The following NRL variants were observed in gnomAD, a reference collection of about 807,000 sequenced individuals.
NRL encodes the protein neural retina-specific leucine zipper protein.
Under a neutral mutation model 12.5 loss-of-function variants are expected in NRL, and 16 were observed. That is an observed-to-expected ratio of 1.28 (90% CI 0.87 to 1.95). The LOEUF (loss-of-function observed/expected upper bound fraction) is 1.95. NRL is among the 30% of genes most tolerant of loss of function. The probability of loss-of-function intolerance (pLI) is 0.00; values close to 1 mark genes in which losing one functional copy is unlikely to be tolerated. For synonymous variants in NRL, 142 were observed against 150.9 expected (o/e 0.94, Z 0.43); for missense variants, 314 against 325.8 (o/e 0.96, Z 0.28).
At chr14:24,103,469 G>A (rs768563829) in intron 1 of NRL, 1 of 1,498,954 alleles carries the variant, frequency 6.7e-7, no homozygotes, top group South Asian at 1.3e-5. Flanking sequence ...CCCTACCCCA[G>A]TGAGAAGGAA....
intron 1 of NRL, among the ~76,000 whole-genome samples, chr14:24,096,501 CTGGGA>C (rs2036891907): frequency 6.6e-6 from 1 of 152,126 alleles, no homozygotes. Flanking sequence ...TCCCAAAGTG[CTGGGA>C]TTACAGGCAT....
chr14:24,088,115 C>T (rs2036510407), intron 1 of NRL, among the ~76,000 whole-genome samples: 1 of 152,226 alleles, frequency 6.6e-6, no homozygotes, highest in South Asian at 2.1e-4. Flanking sequence ...AGGCTCCACT[C>T]TGGCCTCCTC....
Position 24,094,223 on chromosome 14 carries a change from G to C in NRL, c.-27-11348C>G, listed in dbSNP as rs1395681487. On this transcript the variant is annotated intron_variant, in intron 1 of 2. Transcript: ENST00000561028. This position sits in a 1 kb window ranked among gnomAD's most constrained non-coding sequence, Gnocchi z 4.1. ...GGCCGAGGGAGCTGGCCTGCCAGCG[G>C]GGCGGAGGAAAGCTAGTGCCAGCCC... 1.7e-6 allele frequency: 1 copy of C among 596,920 alleles called. No homozygotes were observed. The highest frequency in any genetic ancestry group is 2.9e-6 in the Non-Finnish European group (1 of 349,568). The allele number at this position is 596,920 out of a possible 1,614,324, so 37.0% of individuals were successfully genotyped here.
intron 1 of NRL, chr14:24,104,156 C>T (rs1046734141): frequency 1.7e-6 from 1 of 589,672 alleles, no homozygotes; most frequent in Non-Finnish European, 3.0e-6. Context: ...CATTTCCCAC[C>T]TATCTTCACA....
At chr14:24,091,721 A>G (rs1055162945) in intron 1 of NRL, among the ~76,000 whole-genome samples, 8 of 151,664 alleles carry the variant, frequency 5.3e-5, no homozygotes, top group Non-Finnish European at 5.9e-5. Context: ...TTTTTTTTTC[A>G]ATATACACAA....
Position 24,094,315 on chromosome 14 carries a change from C to A in NRL, c.-27-11440G>T. 2 of 1,319,596 alleles carry A rather than the reference C, an allele frequency of 1.5e-6. No individual in the cohort carries two copies. Among genetic ancestry groups the A allele is most frequent in the Admixed American group, 2.0e-5 (1 of 49,510 alleles). The allele number at this position is 1,319,596 out of a possible 1,614,324, so 81.7% of individuals were successfully genotyped here. ...CGCCTCCCGCCAGCCTCTGCTGTGG[C>A]TCGCTTCGCCGCGCTCCCTCCTTCC... On this transcript the variant is annotated intron_variant, in intron 1 of 2. Transcript: ENST00000561028. The surrounding 1 kb of genome is among the most constrained non-coding windows in gnomAD (Gnocchi z 4.1).
chr14:24,103,336 T>C (rs2138977550), intron 1 of NRL: 1 of 1,264,420 alleles, frequency 7.9e-7, no homozygotes, highest in Non-Finnish European at 1.1e-6. Context: ...GACCTTCCTT[T>C]TGTCCACCCC....
intron 1 of NRL, among the ~76,000 whole-genome samples, chr14:24,105,318 T>C (rs1165334130): frequency 2.0e-5 from 3 of 152,208 alleles, no homozygotes; most frequent in Non-Finnish European, 2.9e-5. Context: ...CCTTCCAGTG[T>C]GGGTGTCATG....
Position 24,094,829 on chromosome 14 carries a change from G to A in NRL, c.-27-11954C>T, listed in dbSNP as rs779680565. ...CCCCAGGGTACTTCGAGAGGCAGCA[G>A]GGCCCTGGGGACAAGGGTACGTGAG... On this transcript the variant is annotated intron_variant, in intron 1 of 2. Coordinates refer to ENST00000561028, the MANE Select transcript of NRL (RefSeq NM_001354768.3). This position sits in a 1 kb window ranked among gnomAD's most constrained non-coding sequence, Gnocchi z 4.1. The A allele has an allele frequency of 1.2e-5, 16 of 1,323,976 alleles. No homozygotes were observed. The South Asian group carries it at 2.0e-4, about 16-fold the overall frequency. 82.0% of individuals were successfully genotyped at this position (1,323,976 alleles called of 1,614,324 possible). A position where few individuals can be genotyped will look rare whatever the true frequency, so the allele number is the denominator to read the frequency against.
At position 24,081,877 on chromosome 14, in the gene NRL, C is replaced by T. The variant is rs1452496948; in HGVS notation, c.382-309G>A. On this transcript the variant is annotated intron_variant, in intron 2 of 2. Transcript: ENST00000561028. This position sits in a 1 kb window ranked among gnomAD's most constrained non-coding sequence, Gnocchi z 4.4. ...TCTCTGGGATCCCCGGCATCCAGCT[C>T]CAGGCCCGGGTGTGTCCAGTGGACC... 1.5e-6 allele frequency: 2 copies of T among 1,348,854 alleles called. No homozygotes were observed. The highest frequency in any genetic ancestry group is 1.9e-6 in the Non-Finnish European group (2 of 1,045,790). 83.6% of individuals were successfully genotyped at this position (1,348,854 alleles called of 1,614,324 possible).
Position 24,081,182 on chromosome 14 carries a change from T to A in NRL, c.*54A>T. ...TGCAGAGAACCGTGCAGCCGCCTCC[T>A]GGGCGGAGCCACCCCACCCAGCCCC... On this transcript the variant is annotated 3_prime_UTR_variant, in exon 3 of 3. Transcript: ENST00000561028. The surrounding 1 kb of genome is among the most constrained non-coding windows in gnomAD (Gnocchi z 4.4). 1 of 1,280,336 alleles carries A rather than the reference T, an allele frequency of 7.8e-7. No homozygotes were observed. Among genetic ancestry groups the A allele is most frequent in the Non-Finnish European group, 1.0e-6 (1 of 981,050 alleles). The allele number at this position is 1,280,336 out of a possible 1,614,324, so 79.3% of individuals were successfully genotyped here.
At chr14:24,095,872 C>T (rs1375041948) in intron 1 of NRL, among the ~76,000 whole-genome samples, 2 of 152,152 alleles carry the variant, frequency 1.3e-5, no homozygotes, top group Non-Finnish European at 2.9e-5. Context: ...GTCAACCTTC[C>T]GCAGAGTTCA....
rs971520267 is a variant in NRL at position 24,079,577 on chromosome 14, A to G, written c.*1659T>C. ...CAGGCTCCTAAGCGGAGGAGGGATG[A>G]GCTGGGATAGAGGAGGGGAAAGAGG... On this transcript the variant is annotated 3_prime_UTR_variant, in exon 3 of 3. Transcript: ENST00000561028. 1.3e-5 allele frequency among the ~76,000 whole-genome samples: 2 copies of G among 150,008 alleles called. No homozygotes were observed. The highest frequency in any genetic ancestry group is 2.0e-4 in the East Asian group (1 of 5,012).
At chr14:24,104,511 C>T (rs973412779) in intron 1 of NRL, among the ~76,000 whole-genome samples, 6 of 151,170 alleles carry the variant, frequency 4.0e-5, no homozygotes, top group Non-Finnish European at 5.9e-5. Flanking sequence ...TGGTGGCGGG[C>T]GCCTGTAGTC....
At position 24,094,743 on chromosome 14, in the gene NRL, G is replaced by A. The variant is rs1443504335; in HGVS notation, c.-27-11868C>T. 1.4e-6 allele frequency: 2 copies of A among 1,474,438 alleles called. No homozygotes were observed. The highest frequency in any genetic ancestry group is 2.0e-5 in the Admixed American group (1 of 48,824). 91.3% of individuals were successfully genotyped at this position (1,474,438 alleles called of 1,614,324 possible). On this transcript the variant is annotated intron_variant, in intron 1 of 2. Transcript: ENST00000561028. The surrounding 1 kb of genome is among the most constrained non-coding windows in gnomAD (Gnocchi z 4.1). ...CTCCTCTCTGCTGAGCCAGGTCTCC[G>A]CATATCCTCCTTTCCTTCCCAGATA...
chr14:24,114,667 C>T (rs1451551694), intron 1 of NRL, 55 bp downstream of exon 1: 8 of 985,660 alleles, frequency 8.1e-6, no homozygotes, highest in Non-Finnish European at 9.6e-6. Flanking sequence ...TAACAGCCCT[C>T]CTTGGGTGTG....
intron 1 of NRL, among the ~76,000 whole-genome samples, chr14:24,107,440 T>C (rs1415895886): frequency 6.6e-6 from 1 of 152,112 alleles, no homozygotes; most frequent in South Asian, 2.1e-4. Context: ...AAACAGAACT[T>C]TGCAGACACC....
chr14:24,099,025 GC>G, intron 1 of NRL: 1 of 1,575,568 alleles, frequency 6.3e-7, no homozygotes, highest in Non-Finnish European at 8.7e-7. Context: ...GCTGCCAGCA[GC>G]CCCATGACCC....
intron 1 of NRL, among the ~76,000 whole-genome samples, chr14:24,087,674 A>AT (rs1279474470): frequency 1.3e-5 from 2 of 152,198 alleles, no homozygotes; most frequent in Non-Finnish European, 2.9e-5. Context: ...TTAAACACCT[A>AT]TTCTGCACCA....
Sources: gnomAD v4.1 joint callset for allele counts (sites outside exome capture counted in the v4.1 genomes callset) on GRCh38, gnomAD v4.1.1 for gene constraint, Gnocchi (gnomAD v3.1) non-coding constraint, MANE v1.5 for transcripts, NCBI Gene and HGNC (gene_info 2026-07-23, HGNC 2026-07-21) for gene names.